PCNT: variants seen among roughly 807,000 people sequenced by gnomAD.
The protein encoded by PCNT is pericentrin.
A neutral mutation model predicts 380.4 loss-of-function variants in PCNT; 319 were observed. The ratio of observed to expected loss-of-function variants is 0.84; its 90% CI spans 0.77 to 0.92. The LOEUF (loss-of-function observed/expected upper bound fraction) is 0.92, where lower values mean the gene tolerates loss of function less well. Ranked by LOEUF, PCNT falls within the 40% of genes least tolerant of loss-of-function variation. The pLI, the probability that PCNT is intolerant of heterozygous loss-of-function variation, is 0.00. For missense variants in PCNT, 4,400 were observed against 4,255.3 expected (o/e 1.03, Z -0.95); for synonymous variants, 1,845 against 1,735.2 (o/e 1.06, Z -1.57).
At chr21:46,415,618 C>T (rs757416083) in intron 29 of PCNT, among the ~76,000 whole-genome samples, 4 of 151,900 alleles carry the variant, frequency 2.6e-5, no homozygotes, top group African/African-American at 4.8e-5. Flanking sequence ...CTCCTGACCT[C>T]GTGATCCACC....
rs1340827145 is a variant in PCNT, at chr21:46,354,001, G to A, written c.1694G>A (p.Gly565Asp). ...DSVEVGLSCV[G>D]LEEKPEKGRK... ...TTTCCCTTCAGGTTGTCCTGTGTGGGTTTAGAAGAGAAACCTGAGAAAGGA... is the reference window on the plus strand; with the variant it reads ...TTTCCCTTCAGGTTGTCCTGTGTGGATTTAGAAGAGAAACCTGAGAAAGGA... The change falls in exon 11 of 47, where the codon GGT (glycine) becomes GAT (aspartate). Residue 565 changes from glycine to aspartate, a missense_variant. Physicochemically the swap from Gly to Asp is moderately conservative, Grantham distance 94. Transcript: ENST00000359568. 6.2e-7 allele frequency: 1 copy of A among 1,613,940 alleles called. No homozygotes were observed. Among genetic ancestry groups the A allele is most frequent in the Non-Finnish European group, 8.5e-7 (1 of 1,179,804 alleles).
chr21:46,387,844 C>T (rs1416933014), intron 17 of PCNT, among the ~76,000 whole-genome samples: 1 of 151,410 alleles, frequency 6.6e-6, no homozygotes, highest in Non-Finnish European at 1.5e-5. Flanking sequence ...AGCGGCGTCA[C>T]AGCTCCTAAA....
At chr21:46,421,669 T>C (rs576783848) in intron 31 of PCNT, among the ~76,000 whole-genome samples, 11 of 152,196 alleles carry the variant, frequency 7.2e-5, no homozygotes, top group Non-Finnish European at 1.3e-4. Context: ...GTGGAGTCTT[T>C]GGGGGCCACG....
chr21:46,337,076 C>T (rs1230493358), intron 3 of PCNT, among the ~76,000 whole-genome samples: 3 of 152,076 alleles, frequency 2.0e-5, no homozygotes, highest in Non-Finnish European at 4.4e-5. Flanking sequence ...CGGCTTGCTG[C>T]AGCCTCTGCC....
intron 43 of PCNT, among the ~76,000 whole-genome samples, chr21:46,441,331 T>C (rs1455613561): frequency 6.6e-6 from 1 of 152,238 alleles, no homozygotes; most frequent in East Asian, 1.9e-4. Flanking sequence ...AGGAACATCT[T>C]GACTTTTAAT....
In PCNT at chr21:46,431,654, G is replaced by A; in HGVS notation, c.8190G>A (p.Glu2730=). The A allele has an allele frequency of 6.2e-7, 1 of 1,613,752 alleles. No homozygotes were observed. Among genetic ancestry groups the A allele is most frequent in the Non-Finnish European group, 8.5e-7 (1 of 1,179,896 alleles). Residue 2730 remains glutamate (E), a synonymous_variant, in exon 38 of 47, where the codon GAG becomes GAA. Transcript: ENST00000359568. ...KELRIEHSRC[E]ALLAQERSQL... ...TGCGTATCGAGCACTCACGCTGCGA[G>A]GCCTTGCTGGCTCAGGAGCGGAGCC...
chr21:46,360,520 C>CTTTT (rs35679282), intron 13 of PCNT, among the ~76,000 whole-genome samples: 1 of 122,728 alleles, frequency 8.1e-6, no homozygotes. Flanking sequence ...ACTGCGCCGG[C>CTTTT]TTTTTTTTTT....
chr21:46,348,738 C>T (rs1601800443), intron 6 of PCNT, among the ~76,000 whole-genome samples: 1 of 152,032 alleles, frequency 6.6e-6, no homozygotes, highest in East Asian at 1.9e-4. Flanking sequence ...CCTCAGCCTC[C>T]CGAGTAGCTG....
At chr21:46,404,317 T>G (rs1234516688) in intron 27 of PCNT, among the ~76,000 whole-genome samples, 1 of 152,270 alleles carries the variant, frequency 6.6e-6, no homozygotes, top group Non-Finnish European at 1.5e-5. Flanking sequence ...ATTAGGACAT[T>G]TCATATCTGT....
Position 46,397,275 on chromosome 21 carries a change from G to A in PCNT, c.4227G>A (p.Lys1409=). The change falls in exon 22 of 47, where the codon AAG becomes AAA. Residue 1409 remains lysine, a synonymous_variant. Coordinates refer to ENST00000359568, the MANE Select transcript of PCNT (RefSeq NM_006031.6). ...TGTTTGCATCCTTAGCTCTCCGGAA[G>A]GAAGTGGAGGATCTGACCAAAGAAC... The part of the protein sequence containing the change: ...DAEAREAALR[K]EVEDLTKEQS... 1 of 1,614,020 alleles carries A rather than the reference G, an allele frequency of 6.2e-7. No individual in the cohort carries two copies. Among genetic ancestry groups the A allele is most frequent in the Non-Finnish European group, 8.5e-7 (1 of 1,179,922 alleles).
intron 35 of PCNT, among the ~76,000 whole-genome samples, chr21:46,429,410 TG>T (rs1000704191): frequency 1.9e-4 from 3 of 15,778 alleles, no homozygotes; most frequent in African/African-American, 9.8e-4. Context: ...GTGAGGGGCA[TG>T]GGGGGGCTGG....
rs1347641068 is a variant in PCNT at position 46,351,485 on chromosome 21, C to G, written c.1401C>G (p.Ile467Met). Residue 467 changes from isoleucine (I) to methionine (M), a missense_variant, in exon 9 of 47, where the codon ATC becomes ATG. By Grantham distance (10) the Ile-to-Met change is conservative (BLOSUM62 1). Coordinates refer to ENST00000359568, the MANE Select transcript of PCNT (RefSeq NM_006031.6). ...TGAAGGCACAATCACAAGAAGAGATCAGGCGCTTGTGGTCCCAGCTTGATT... is the reference window on the plus strand; with the variant it reads ...TGAAGGCACAATCACAAGAAGAGATGAGGCGCTTGTGGTCCCAGCTTGATT... ...EDLKAQSQEE[I>M]RRLWSQLDSA... 3 of 1,613,414 alleles carry G rather than the reference C, an allele frequency of 1.9e-6. No individual in the cohort carries two copies. The highest frequency in any genetic ancestry group is 2.2e-5 in the East Asian group (1 of 44,878).
In PCNT at chr21:46,366,438, G is replaced by A. The variant is rs2084931151; in HGVS notation, c.2610-146G>A. The A allele has an allele frequency of 5.6e-5, 41 of 731,116 alleles. No individual in the cohort carries two copies. In the South Asian group the frequency reaches 6.1e-4, roughly 11 times the overall value. 45.3% of individuals were successfully genotyped at this position (731,116 alleles called of 1,614,324 possible). On this transcript the variant is annotated intron_variant, in intron 14 of 46. Transcript: ENST00000359568. ...CACTTACTATTTCTGGTGGTCGAGG[G>A]AAAAGTAGTAAGAGCAGTTAAAATC... is the stretch of plus-strand genomic sequence containing the variant.
chr21:46,391,457 C>A, intron 21 of PCNT, 81 bp downstream of exon 21: 2 of 1,151,938 alleles, frequency 1.7e-6, no homozygotes, highest in Non-Finnish European at 2.5e-6. Context: ...CTCCCAAGGA[C>A]ACTCAGTGTC....
At chr21:46,391,813 A>G (rs1008914741) in intron 21 of PCNT, among the ~76,000 whole-genome samples, 1 of 152,252 alleles carries the variant, frequency 6.6e-6, no homozygotes, top group Non-Finnish European at 1.5e-5. Flanking sequence ...TTTAGTCTCA[A>G]AGGTATTTAA....
At chr21:46,419,025 C>T (rs976597557) in intron 31 of PCNT, among the ~76,000 whole-genome samples, 3 of 152,180 alleles carry the variant, frequency 2.0e-5, no homozygotes, top group Non-Finnish European at 2.9e-5. Flanking sequence ...TGCCCTGGCC[C>T]GCATCAGTTG....
At chr21:46,358,480 C>T (rs1420979506) in intron 13 of PCNT, among the ~76,000 whole-genome samples, 1 of 152,192 alleles carries the variant, frequency 6.6e-6, no homozygotes, top group Non-Finnish European at 1.5e-5. Context: ...AGGGTGGAGC[C>T]CTGTGGGGAG....
Position 46,334,401 on chromosome 21 carries a change from A to G in PCNT, c.272A>G (p.Glu91Gly). The change falls in exon 3 of 47, where the codon GAG becomes GGG. Residue 91 changes from glutamate (E) to glycine (G), a missense_variant. Glu to Gly is a moderately conservative substitution (Grantham distance 98, BLOSUM62 -2). Transcript: ENST00000359568. ...GAGGAFAAQP[E>G]DCDGEKREDL... ...TTCTGGTCCTCCCCTTCTTAGCCGG[A>G]GGACTGTGATGGAGAGAAGAGAGAG... The G allele has an allele frequency of 6.2e-7, 1 of 1,614,186 alleles. No homozygotes were observed. The highest frequency in any genetic ancestry group is 8.5e-7 in the Non-Finnish European group (1 of 1,180,014).
At chr21:46,417,626 T>C (rs1208661401) in intron 30 of PCNT, among the ~76,000 whole-genome samples, 3 of 152,132 alleles carry the variant, frequency 2.0e-5, no homozygotes, top group Non-Finnish European at 4.4e-5. Flanking sequence ...AAATCAGGTA[T>C]GGTTGGGCTC....
Sources: allele counts gnomAD v4.1 joint callset (sites outside exome capture counted in the v4.1 genomes callset), GRCh38; gene constraint gnomAD v4.1.1; transcripts MANE v1.5; gene names NCBI Gene and HGNC (gene_info 2026-07-23, HGNC 2026-07-21).